KMT2C: variants seen among roughly 807,000 people sequenced by gnomAD.
The protein encoded by KMT2C is lysine methyltransferase 2C.
KMT2C carries 88 observed loss-of-function variants against 507.9 expected under a neutral mutation model. The ratio of observed to expected loss-of-function variants is 0.17; its 90% CI spans 0.15 to 0.21. The LOEUF is 0.21. KMT2C is among the 10% of genes least tolerant of loss of function. KMT2C has a pLI of 1.00. For missense variants in KMT2C, 4,954 were observed against 5,957.8 expected (o/e 0.83, Z 5.55); for synonymous variants, 2,049 against 2,080.8 (o/e 0.98, Z 0.42).
chr7:152,260,977 A>G (rs1366488650), intron 9 of KMT2C, among the ~76,000 whole-genome samples: 3 of 152,294 alleles, frequency 2.0e-5, no homozygotes, highest in African/African-American at 7.2e-5. Context: ...TGAATTATAA[A>G]TCATTGCAGG....
intron 2 of KMT2C, among the ~76,000 whole-genome samples, chr7:152,335,946 C>G (rs981775228): frequency 6.6e-6 from 1 of 150,940 alleles, no homozygotes; most frequent in Non-Finnish European, 1.5e-5. Flanking sequence ...GAAATAGGAT[C>G]GGCACCAGAT....
chr7:152,230,188 A>G (rs2095065458), intron 17 of KMT2C, 32 bp downstream of exon 17: 1 of 1,261,062 alleles, frequency 7.9e-7, no homozygotes, highest in South Asian at 1.3e-5. Context: ...GAGGAATTCA[A>G]TGAGGAAGAC....
In KMT2C at chr7:152,156,224, T is replaced by G; in HGVS notation, c.11793A>C (p.Gly3931=). 1 of 1,614,140 alleles carries G rather than the reference T, an allele frequency of 6.2e-7. No homozygotes were observed. The highest frequency in any genetic ancestry group is 8.5e-7 in the Non-Finnish European group (1 of 1,180,008). ...TCATACCTTCATGGCTCACTAACACTCCGGCTTTTCCAGCAAGTTCTTCAG... is the reference window on the plus strand; with the variant it reads ...TCATACCTTCATGGCTCACTAACACGCCGGCTTTTCCAGCAAGTTCTTCAG... ...ATTEELAGKA[G]VLVSHEVTKT... Residue 3931 remains glycine (G), a synonymous_variant, in exon 45 of 59, where the codon GGA becomes GGC. Coordinates refer to ENST00000262189, the MANE Select transcript of KMT2C (RefSeq NM_170606.3).
At chr7:152,284,679 T>A (rs1184881134) in intron 6 of KMT2C, among the ~76,000 whole-genome samples, 1 of 152,066 alleles carries the variant, frequency 6.6e-6, no homozygotes, top group African/African-American at 2.4e-5. Flanking sequence ...AACTGACTTC[T>A]GTGAATAATA....
At position 152,235,918 on chromosome 7, in the gene KMT2C, A is replaced by G; in HGVS notation, c.2668T>C (p.Phe890Leu). The G allele has an allele frequency of 6.2e-7, 1 of 1,611,812 alleles. No individual in the cohort carries two copies. The highest frequency in any genetic ancestry group is 8.5e-7 in the Non-Finnish European group (1 of 1,179,660). The stretch of plus-strand genomic sequence containing the variant: ...CCTCGAGGTCTCCGCTTTCCTGGAA[A>G]TCCAGACCCACGGCCCTATGTAACA... ...WSIKVGRGSG[F>L]PGKRRPRGAG... The change falls in exon 16 of 59, where the codon TTT (phenylalanine) becomes CTT (leucine). Residue 890 changes from phenylalanine to leucine, a missense_variant. Physicochemically the swap from Phe to Leu is conservative, Grantham distance 22 (BLOSUM62 0). Around this residue, in one of 29 missense-constraint regions of KMT2C, gnomAD observed 62 missense variants for 137.2 expected, o/e 0.45. Transcript: ENST00000262189.
chr7:152,195,977 T>C lies in KMT2C; in HGVS notation c.4308A>G (p.Glu1436=), dbSNP rs779173911. The C allele has an allele frequency of 6.2e-7, 1 of 1,609,494 alleles. No homozygotes were observed. The change falls in exon 28 of 59, where the codon GAA becomes GAG. Residue 1436 remains glutamate, a synonymous_variant. Transcript: ENST00000262189. ...PADDPLADIS[E]VLNTDDDILG... ...GAATGTCATCATCTGTGTTTAAAAC[T>C]TCAGAAATATCAGCTAATGGGTCAT... is the stretch of plus-strand genomic sequence containing the variant.
At chr7:152,222,509 T>C (rs1445535977) in intron 21 of KMT2C, 64 bp downstream of exon 21, 5 of 787,838 alleles carry the variant, frequency 6.3e-6, no homozygotes, top group African/African-American at 1.7e-5. Flanking sequence ...TCATTGGTTA[T>C]GGACAGTAAG....
chr7:152,385,199 T>C (rs73730060), intron 1 of KMT2C, among the ~76,000 whole-genome samples: 5,828 of 152,204 alleles, frequency 0.038, 398 homozygotes, highest in African/African-American at 0.13. Context: ...ACAGGAACTC[T>C]ACAGGGCAAA....
At position 152,330,726 on chromosome 7, in the gene KMT2C, T is replaced by C. The variant is rs769002436; in HGVS notation, c.264A>G (p.Gln88=). The C allele has an allele frequency of 3.5e-5, 56 of 1,613,976 alleles. 1 individual carries two copies. The highest frequency in any genetic ancestry group is 1.7e-4 in the Admixed American group (10 of 60,018). ...ETIVETEIKE[Q]SAEEDAEAEV... ...CTGCTTCAGCATCCTCTTCTGCAGATTGTTCTTTGATTTCTGCTTAACAGT... is the reference window on the plus strand; with the variant it reads ...CTGCTTCAGCATCCTCTTCTGCAGACTGTTCTTTGATTTCTGCTTAACAGT... The change falls in exon 3 of 59, where the codon CAA becomes CAG. Residue 88 remains glutamine (Q), a synonymous_variant. Transcript: ENST00000262189.
At chr7:152,170,841 T>C (rs1398825025) in intron 40 of KMT2C, among the ~76,000 whole-genome samples, 1 of 152,176 alleles carries the variant, frequency 6.6e-6, no homozygotes. Context: ...TTAAATATAA[T>C]GGGTTTAATT....
Position 152,315,198 on chromosome 7 carries a change from C to T in KMT2C, c.530G>A (p.Ser177Asn), listed in dbSNP as rs2129202536. ...PSNKKDIDDN[S>N]NGTYEKMQNS... ...TTGCATTTTCTCATAGGTTCCATTG[C>T]TGTTGTCATCAATGTCCTTCTTGTT... Residue 177 changes from serine (S) to asparagine (N), a missense_variant, in exon 4 of 59, where the codon AGC becomes AAC. Around this residue, in one of 29 missense-constraint regions of KMT2C, gnomAD observed 233 missense variants for 263.6 expected, o/e 0.88. Transcript: ENST00000262189. 6.2e-7 allele frequency: 1 copy of T among 1,613,936 alleles called. No homozygotes were observed.
Position 152,209,905 on chromosome 7 carries a change from G to GA in KMT2C, c.3713-2478dup, listed in dbSNP as rs1253767199. On this transcript the variant is annotated intron_variant, in intron 23 of 58. Transcript: ENST00000262189. ...TGGCCACCTTTGGAAATAAGTGGGA[G>GA]AAAACCCAAGCAACAAGAGATTTAA... is the stretch of plus-strand genomic sequence containing the variant. Among the ~76,000 whole-genome samples, 10 of 152,238 alleles carry GA rather than the reference G, an allele frequency of 6.6e-5. No individual in the cohort carries two copies. In the East Asian group the frequency reaches 1.9e-3, roughly 29 times the overall value.
At chr7:152,320,381 T>C (rs752510535) in intron 3 of KMT2C, among the ~76,000 whole-genome samples, 1 of 152,324 alleles carries the variant, frequency 6.6e-6, no homozygotes, top group Non-Finnish European at 1.5e-5. Context: ...CCCGAGTAGC[T>C]GGGACTACAG....
At chr7:152,383,063 C>T (rs1271782383) in intron 1 of KMT2C, among the ~76,000 whole-genome samples, 2 of 152,294 alleles carry the variant, frequency 1.3e-5, no homozygotes, top group South Asian at 4.1e-4. Flanking sequence ...AACATGATTC[C>T]ACATAATGTA....
intron 6 of KMT2C, among the ~76,000 whole-genome samples, chr7:152,292,159 T>C (rs79822906): frequency 1.3e-5 from 2 of 152,186 alleles, no homozygotes; most frequent in Non-Finnish European, 2.9e-5. Flanking sequence ...TCTAGCATAA[T>C]AAATATAATG....
chr7:152,216,410 C>T (rs1409336068), intron 23 of KMT2C, among the ~76,000 whole-genome samples: 4 of 152,158 alleles, frequency 2.6e-5, no homozygotes, highest in East Asian at 3.9e-4. Flanking sequence ...TGTTCCAATA[C>T]TCCAGGAACA....
intron 7 of KMT2C, 84 bp from the exon 8 acceptor site, chr7:152,265,293 T>A (rs185073915): frequency 1.3e-6 from 2 of 1,565,716 alleles, no homozygotes; most frequent in Non-Finnish European, 8.7e-7. Flanking sequence ...TTGAAAGGAT[T>A]TGCATCATGA....
chr7:152,153,139 AAAG>A (rs142303595), intron 48 of KMT2C, among the ~76,000 whole-genome samples, 185 bp from the exon 49 acceptor site: 7,323 of 152,266 alleles, frequency 0.048, 284 homozygotes, highest in East Asian at 0.16. Context: ...ATATCCAAAA[AAAG>A]AAATTTATAA....
At chr7:152,221,963 T>C (rs1337332504) in intron 22 of KMT2C, 38 bp downstream of exon 22, 2 of 1,488,800 alleles carry the variant, frequency 1.3e-6, no homozygotes, top group South Asian at 1.2e-5. Flanking sequence ...TTAAGCAAAG[T>C]AAATTAATTA....
Sources: gnomAD v4.1 joint callset for allele counts (sites outside exome capture counted in the v4.1 genomes callset) on GRCh38, gnomAD v4.1.1 for gene constraint, gnomAD v4.1.1 regional missense constraint, MANE v1.5 for transcripts, NCBI Gene and HGNC (gene_info 2026-07-23, HGNC 2026-07-21) for gene names.